Variants in NRXN3 observed in about 807,000 individuals in gnomAD.
The protein encoded by NRXN3 is neurexin 3.
A neutral mutation model predicts 137.6 loss-of-function variants in NRXN3; 32 were observed. The observed-to-expected ratio is 0.23, with a 90% confidence interval of 0.18 to 0.31. NRXN3 has a LOEUF of 0.31. Among genes scored for constraint, NRXN3 ranks in the 10% least tolerant of loss-of-function variants. The probability of loss-of-function intolerance (pLI) is 1.00; values close to 1 mark genes in which losing one functional copy is unlikely to be tolerated. For synonymous variants in NRXN3, 798 were observed against 784.5 expected (o/e 1.02, Z -0.29); for missense variants, 1,574 against 2,062.5 (o/e 0.76, Z 4.59).
intron 8 of NRXN3, among the ~76,000 whole-genome samples, chr14:78,770,177 A>G (rs1387509973): frequency 6.6e-6 from 1 of 152,164 alleles, no homozygotes; most frequent in Non-Finnish European, 1.5e-5. Context: ...ATTTTTGCAG[A>G]TGAGTAAACT....
At chr14:78,191,639 TG>T (rs1367449332) in intron 1 of NRXN3, among the ~76,000 whole-genome samples, 1 of 152,202 alleles carries the variant, frequency 6.6e-6, no homozygotes, top group East Asian at 1.9e-4. Context: ...CTCTTTGGCT[TG>T]GAAGTTTCCT....
chr14:78,262,729 A>G (rs192266912), intron 2 of NRXN3, among the ~76,000 whole-genome samples: 240 of 152,282 alleles, frequency 1.6e-3, no homozygotes, highest in African/African-American at 5.6e-3. Context: ...TGCCAGGGAC[A>G]TTTATGTTCC....
chr14:79,152,048 C>G (rs959929439), intron 15 of NRXN3, among the ~76,000 whole-genome samples: 2 of 151,978 alleles, frequency 1.3e-5, no homozygotes, highest in East Asian at 3.9e-4. Context: ...TCTACAGACA[C>G]TTTTGCTTTA....
chr14:79,623,438 C>T (rs1489448686), intron 16 of NRXN3, among the ~76,000 whole-genome samples: 2 of 152,174 alleles, frequency 1.3e-5, no homozygotes, highest in South Asian at 2.1e-4. Flanking sequence ...GTAGACACTT[C>T]GTTTATCTAC....
At chr14:79,493,968 C>G (rs1322181549) in intron 16 of NRXN3, among the ~76,000 whole-genome samples, 2 of 152,140 alleles carry the variant, frequency 1.3e-5, no homozygotes, top group Admixed American at 1.3e-4. Flanking sequence ...ACTTTAAGTT[C>G]CTTGAATATA....
intron 19 of NRXN3, among the ~76,000 whole-genome samples, chr14:79,713,584 CATATAT>C (rs566107570): frequency 8.6e-6 from 1 of 115,688 alleles, no homozygotes; most frequent in African/African-American, 3.0e-5. Context: ...TTTATATATA[CATATAT>C]ATATACATAC....
At chr14:79,281,317 A>G (rs2081243562) in intron 15 of NRXN3, among the ~76,000 whole-genome samples, 6 of 152,154 alleles carry the variant, frequency 3.9e-5, no homozygotes, top group Admixed American at 3.9e-4. Context: ...TTGTTCACAC[A>G]ATACAGGTAC....
chr14:78,379,590 A>G (rs2088649806), intron 4 of NRXN3, among the ~76,000 whole-genome samples: 1 of 152,242 alleles, frequency 6.6e-6, no homozygotes, highest in Non-Finnish European at 1.5e-5. Context: ...TCAGAAAAAT[A>G]GTAATAGAGG....
chr14:78,215,774 G>T (rs2063204611), intron 1 of NRXN3, among the ~76,000 whole-genome samples: 1 of 135,830 alleles, frequency 7.4e-6, no homozygotes, highest in African/African-American at 2.6e-5. Flanking sequence ...AGGGGGGTGG[G>T]GGGGGCAGGG....
chr14:79,624,780 CTT>C (rs1302198668), intron 16 of NRXN3, among the ~76,000 whole-genome samples: 1 of 144,098 alleles, frequency 6.9e-6, no homozygotes, highest in Non-Finnish European at 1.5e-5. Flanking sequence ...TTCACTCTCT[CTT>C]TCTTTCCCGT....
chr14:78,868,860 CAT>C (rs1242931255), intron 10 of NRXN3, among the ~76,000 whole-genome samples: 2 of 151,796 alleles, frequency 1.3e-5, no homozygotes, highest in Non-Finnish European at 2.9e-5. Flanking sequence ...AAAAAAGAAA[CAT>C]AGCTTTGCAA....
chr14:78,815,479 CTTTTTTTTTT>C lies in NRXN3; in HGVS notation c.2275+5148_2275+5157del, dbSNP rs61411777. 7.1e-5 allele frequency among the ~76,000 whole-genome samples: 6 copies of C among 84,456 alleles called. No homozygotes were observed. In the East Asian group the frequency reaches 1.4e-3, roughly 19 times the overall value. 55.4% of individuals were successfully genotyped at this position (84,456 alleles called of 152,430 possible). A position where few individuals can be genotyped will look rare whatever the true frequency, so the allele number is the denominator to read the frequency against. ...ACTTGCTTGGATAATTTGTTTCTTT[CTTTTTTTTTT>C]TTTTTTTTTTTTGCCTTTTCCCTTA... On this transcript the variant is annotated intron_variant, in intron 10 of 20. Coordinates refer to ENST00000335750, the MANE Select transcript of NRXN3 (RefSeq NM_001330195.2).
chr14:78,211,604 C>G (rs926416391), intron 1 of NRXN3, among the ~76,000 whole-genome samples: 12 of 152,242 alleles, frequency 7.9e-5, no homozygotes, highest in Admixed American at 4.6e-4. Flanking sequence ...TTGAACCTGT[C>G]TATAACGATG....
At chr14:79,585,321 C>T (rs1256175517) in intron 16 of NRXN3, among the ~76,000 whole-genome samples, 1 of 152,128 alleles carries the variant, frequency 6.6e-6, no homozygotes, top group Non-Finnish European at 1.5e-5. Flanking sequence ...AATATAGTAA[C>T]TGGAAGGACA....
intron 14 of NRXN3, among the ~76,000 whole-genome samples, chr14:78,974,620 G>A (rs1288098052): frequency 6.6e-6 from 1 of 152,116 alleles, no homozygotes; most frequent in Non-Finnish European, 1.5e-5. Context: ...TTACTTTATT[G>A]GCACGAACTT....
intron 11 of NRXN3, among the ~76,000 whole-genome samples, chr14:78,961,012 ATTTT>A (rs201893544): frequency 7.3e-5 from 10 of 137,190 alleles, no homozygotes; most frequent in Admixed American, 1.5e-4. Flanking sequence ...GTATTTGCTA[ATTTT>A]TTTTTTTTTT....
rs149927719 is a variant in NRXN3 at position 78,549,986 on chromosome 14, C to A, written c.758-95134C>A. On this transcript the variant is annotated intron_variant, in intron 4 of 20. Coordinates refer to ENST00000335750, the MANE Select transcript of NRXN3 (RefSeq NM_001330195.2). ...AGCACCTCTAGGATCTTTCAACTTA[C>A]TAAAGACTTTTCCTAGAGGAGGAGA... 4.7e-3 allele frequency among the ~76,000 whole-genome samples: 704 copies of A among 150,872 alleles called. 2 individuals carry two copies. The highest frequency in any genetic ancestry group is 8.6e-3 in the Non-Finnish European group (584 of 67,756).
intron 19 of NRXN3, among the ~76,000 whole-genome samples, chr14:79,783,238 T>C (rs2099119371): frequency 6.6e-6 from 1 of 152,200 alleles, no homozygotes; most frequent in Admixed American, 6.5e-5. Flanking sequence ...TGGACGTTAA[T>C]TGGCAGTTAG....
chr14:78,666,314 A>C (rs1377492590), intron 6 of NRXN3, among the ~76,000 whole-genome samples: 1 of 152,190 alleles, frequency 6.6e-6, no homozygotes, highest in Non-Finnish European at 1.5e-5. Flanking sequence ...CTTGACCTGC[A>C]CTTTATTAAG....
Sources: allele counts gnomAD v4.1 joint callset (sites outside exome capture counted in the v4.1 genomes callset), GRCh38; gene constraint gnomAD v4.1.1; transcripts MANE v1.5; gene names NCBI Gene and HGNC (gene_info 2026-07-23, HGNC 2026-07-21).